MAP2K5: variants seen among roughly 807,000 people sequenced by gnomAD.
MAP2K5 encodes the protein dual specificity mitogen-activated protein kinase kinase 5.
Under a neutral mutation model 83.1 loss-of-function variants are expected in MAP2K5, and 49 were observed. That is an observed-to-expected ratio of 0.59 (90% CI 0.47 to 0.75). The LOEUF (loss-of-function observed/expected upper bound fraction) is 0.75. Among genes scored for constraint, MAP2K5 ranks in the 30% least tolerant of loss-of-function variants. The pLI, the probability that MAP2K5 is intolerant of heterozygous loss-of-function variation, is 0.00. For missense variants in MAP2K5, 457 were observed against 557.5 expected (o/e 0.82, Z 1.82); for synonymous variants, 202 against 191.8 (o/e 1.05, Z -0.44).
chr15:67,600,600 G>C (rs1249115162), intron 7 of MAP2K5, 85 bp from the exon 8 acceptor site: 1 of 1,016,944 alleles, frequency 9.8e-7, no homozygotes, highest in African/African-American at 1.6e-5. Context: ...CAGACTGCTT[G>C]TTGTTTATGG....
rs2090114725 is a variant in MAP2K5, at chr15:67,770,113, T to C, written c.1196+450T>C. Among the ~76,000 whole-genome samples the C allele has an allele frequency of 6.6e-6, 1 of 152,240 alleles. No individual in the cohort carries two copies. Among genetic ancestry groups the C allele is most frequent in the South Asian group, 2.1e-4 (1 of 4,838 alleles). On this transcript the variant is annotated intron_variant, in intron 20 of 21. Transcript: ENST00000178640. This position sits in a 1 kb window ranked among gnomAD's most constrained non-coding sequence, Gnocchi z 5.0. ...AGTAAATAACTTTTATCTTTGGTTG[T>C]ATTTTAAATACAATACTGGGGTACC...
At chr15:67,733,397 A>G (rs1033582382) in intron 17 of MAP2K5, among the ~76,000 whole-genome samples, 1 of 152,244 alleles carries the variant, frequency 6.6e-6, no homozygotes. Flanking sequence ...AGTAGTAAAA[A>G]AGGATCAAAA....
rs2088987338 is a variant in MAP2K5 at position 67,722,463 on chromosome 15, A to G, written c.1045-5453A>G. ...TTGTTGTCAGTTTAACCTCCAAAGC[A>G]CTTTAACACCGGTAAATTGCTGTTA... On this transcript the variant is annotated intron_variant, in intron 16 of 21. Transcript: ENST00000178640. This position sits in a 1 kb window ranked among gnomAD's most constrained non-coding sequence, Gnocchi z 4.2. Among the ~76,000 whole-genome samples, 1 of 151,994 alleles carries G rather than the reference A, an allele frequency of 6.6e-6. No homozygotes were observed. The highest frequency in any genetic ancestry group is 2.1e-4 in the South Asian group (1 of 4,822).
rs1025860789 is a variant in MAP2K5 at position 67,736,580 on chromosome 15, C to T, written c.1074+8635C>T. ...AATTATTTTTCTGATCCCACAAGAG[C>T]CTTCCTTTACAGACTTTCTTTTTTG... On this transcript the variant is annotated intron_variant, in intron 17 of 21. Coordinates refer to ENST00000178640, the MANE Select transcript of MAP2K5 (RefSeq NM_145160.3). The surrounding 1 kb of genome is among the most constrained non-coding windows in gnomAD (Gnocchi z 4.3). 2.0e-5 allele frequency among the ~76,000 whole-genome samples: 3 copies of T among 152,208 alleles called. No individual in the cohort carries two copies. The highest frequency in any genetic ancestry group is 7.2e-5 in the African/African-American group (3 of 41,452).
Position 67,769,249 on chromosome 15 carries a change from T to C in MAP2K5, c.1135-353T>C, listed in dbSNP as rs1408784226. ...GAAACAAAGGTCAACACAAGAATAA[T>C]TTCACAGCTCTTTGTTAATTACAAG... On this transcript the variant is annotated intron_variant, in intron 19 of 21. Coordinates refer to ENST00000178640, the MANE Select transcript of MAP2K5 (RefSeq NM_145160.3). The surrounding 1 kb of genome is among the most constrained non-coding windows in gnomAD (Gnocchi z 5.2). Among the ~76,000 whole-genome samples the C allele has an allele frequency of 1.3e-5, 2 of 152,194 alleles. No homozygotes were observed. Among genetic ancestry groups the C allele is most frequent in the Admixed American group, 1.3e-4 (2 of 15,278 alleles).
intron 5 of MAP2K5, 98 bp from the exon 6 acceptor site, chr15:67,586,748 C>A: frequency 1.4e-5 from 16 of 1,104,468 alleles, no homozygotes. Flanking sequence ...AGCTAATTAA[C>A]CTTCATAGTG....
chr15:67,561,815 G>A lies in MAP2K5; in HGVS notation c.185-1468G>A, dbSNP rs1380978803. The stretch of plus-strand genomic sequence containing the variant: ...GAAAGAACACAAGCTTCCTCCTAGG[G>A]TCCCCATAGCCTAGTCACCAAGCAG... On this transcript the variant is annotated intron_variant, in intron 2 of 21. Coordinates refer to ENST00000178640, the MANE Select transcript of MAP2K5 (RefSeq NM_145160.3). This position sits in a 1 kb window ranked among gnomAD's most constrained non-coding sequence, Gnocchi z 4.2. Among the ~76,000 whole-genome samples the A allele has an allele frequency of 6.6e-6, 1 of 152,128 alleles. No individual in the cohort carries two copies. The highest frequency in any genetic ancestry group is 1.5e-5 in the Non-Finnish European group (1 of 68,008).
intron 21 of MAP2K5, among the ~76,000 whole-genome samples, chr15:67,804,948 C>G (rs933101674): frequency 2.6e-5 from 4 of 152,200 alleles, no homozygotes; most frequent in African/African-American, 4.8e-5. Flanking sequence ...CTCTCCTGCT[C>G]AGGCCCCAGA....
rs367973577 is a variant in MAP2K5, at chr15:67,563,337, C to T, written c.239C>T (p.Ala80Val). ...GTGAGAAGTGATGAGGAAATGAAGG[C>T]AATGCTGTCATATGTAAGTATACGA... is the stretch of plus-strand genomic sequence containing the variant. ...ITVRSDEEMK[A>V]MLSYYYSTVM... The change falls in exon 3 of 22, where the codon GCA becomes GTA. Residue 80 changes from alanine to valine, a missense_variant. By Grantham distance (64) the Ala-to-Val change is moderately conservative. Around this residue, in one of 3 missense-constraint regions of MAP2K5, gnomAD observed 234 missense variants for 243.6 expected, o/e 0.96. Transcript: ENST00000178640. This position sits in a 1 kb window ranked among gnomAD's most constrained non-coding sequence, Gnocchi z 4.5. The T allele has an allele frequency of 5.0e-6, 8 of 1,610,470 alleles. No homozygotes were observed. The highest frequency in any genetic ancestry group is 5.9e-6 in the Non-Finnish European group (7 of 1,178,596).
At chr15:67,703,760 C>T (rs2088480201) in intron 16 of MAP2K5, among the ~76,000 whole-genome samples, 2 of 152,094 alleles carry the variant, frequency 1.3e-5, no homozygotes, top group East Asian at 1.9e-4. Flanking sequence ...CTGGAGAACC[C>T]GTGATGTAAA....
intron 13 of MAP2K5, among the ~76,000 whole-genome samples, chr15:67,680,145 T>A (rs1374034134): frequency 6.6e-6 from 1 of 152,234 alleles, no homozygotes; most frequent in African/African-American, 2.4e-5. Flanking sequence ...TTATAGCATG[T>A]GTCTATAGTT....
chr15:67,547,172 T>C (rs886817165), intron 1 of MAP2K5, among the ~76,000 whole-genome samples: 12 of 152,076 alleles, frequency 7.9e-5, no homozygotes, highest in Non-Finnish European at 1.6e-4. Context: ...TACTATTGGC[T>C]GTTTATGTCT....
At chr15:67,765,789 CT>C (rs1045484600) in intron 19 of MAP2K5, among the ~76,000 whole-genome samples, 8 of 152,064 alleles carry the variant, frequency 5.3e-5, no homozygotes, top group Non-Finnish European at 8.8e-5. Context: ...TGCTACTTGC[CT>C]TTTTTTATGC....
chr15:67,796,400 G>A (rs757121831), intron 21 of MAP2K5, among the ~76,000 whole-genome samples: 58 of 152,188 alleles, frequency 3.8e-4, no homozygotes, highest in Non-Finnish European at 7.1e-4. Flanking sequence ...TTCTGATAAG[G>A]CCTCAGGAAG....
rs1478420940 is a variant in MAP2K5, at chr15:67,563,056, A to C, written c.185-227A>C. Among the ~76,000 whole-genome samples, 2 of 152,238 alleles carry C rather than the reference A, an allele frequency of 1.3e-5. No homozygotes were observed. The highest frequency in any genetic ancestry group is 2.4e-5 in the African/African-American group (1 of 41,458). On this transcript the variant is annotated intron_variant, in intron 2 of 21. Transcript: ENST00000178640. This position sits in a 1 kb window ranked among gnomAD's most constrained non-coding sequence, Gnocchi z 4.5. ...AACCTAGAGATATGTTGTGAATGAC[A>C]TGAGCAATATTTTAATTTTCTGCTA...
intron 16 of MAP2K5, among the ~76,000 whole-genome samples, chr15:67,713,030 G>A (rs994893267): frequency 6.6e-6 from 1 of 151,932 alleles, no homozygotes; most frequent in Non-Finnish European, 1.5e-5. Context: ...GAAACAAAGG[G>A]GAAGAAATCA....
Position 67,783,301 on chromosome 15 carries a change from T to G in MAP2K5, c.1242+10549T>G, listed in dbSNP as rs1435007497. On this transcript the variant is annotated intron_variant, in intron 21 of 21. Coordinates refer to ENST00000178640, the MANE Select transcript of MAP2K5 (RefSeq NM_145160.3). The surrounding 1 kb of genome is among the most constrained non-coding windows in gnomAD (Gnocchi z 5.1). ...TGTGAGAATTGCCAGAGACCCCCGCTCACCTTCTCCTCCCACCCTCACCTA... is the reference window on the plus strand; with the variant it reads ...TGTGAGAATTGCCAGAGACCCCCGCGCACCTTCTCCTCCCACCCTCACCTA... Among the ~76,000 whole-genome samples the G allele has an allele frequency of 6.6e-6, 1 of 152,104 alleles. No homozygotes were observed. Among genetic ancestry groups the G allele is most frequent in the Non-Finnish European group, 1.5e-5 (1 of 68,016 alleles).
Position 67,637,467 on chromosome 15 carries a change from A to G in MAP2K5, c.585+6540A>G, listed in dbSNP as rs1284078092. On this transcript the variant is annotated intron_variant, in intron 9 of 21. Transcript: ENST00000178640. The surrounding 1 kb of genome is among the most constrained non-coding windows in gnomAD (Gnocchi z 4.5). Reference sequence around the variant, plus strand: ...TGAGTACTCTACCTGGTGCCTTGCAAATTGCAAGGTTTTTCCACACTGACT... The same window carrying G: ...TGAGTACTCTACCTGGTGCCTTGCAGATTGCAAGGTTTTTCCACACTGACT... Among the ~76,000 whole-genome samples, 1 of 152,106 alleles carries G rather than the reference A, an allele frequency of 6.6e-6. No individual in the cohort carries two copies. Among genetic ancestry groups the G allele is most frequent in the Admixed American group, 6.5e-5 (1 of 15,268 alleles).
At position 67,637,959 on chromosome 15, in the gene MAP2K5, T is replaced by A. The variant is rs994178316; in HGVS notation, c.585+7032T>A. ...GTGTGTTTTAGTACCTCTTCCTTTC[T>A]TTTTTTTAATTTAACTTTTAACTTT... On this transcript the variant is annotated intron_variant, in intron 9 of 21. Coordinates refer to ENST00000178640, the MANE Select transcript of MAP2K5 (RefSeq NM_145160.3). This position sits in a 1 kb window ranked among gnomAD's most constrained non-coding sequence, Gnocchi z 4.5. Among the ~76,000 whole-genome samples the A allele has an allele frequency of 7.2e-5, 11 of 151,850 alleles. No individual in the cohort carries two copies. Among genetic ancestry groups the A allele is most frequent in the African/African-American group, 2.4e-4 (10 of 41,390 alleles).
Sources: gnomAD v4.1 joint callset for allele counts (sites outside exome capture counted in the v4.1 genomes callset) on GRCh38, gnomAD v4.1.1 for gene constraint, gnomAD v4.1.1 regional missense constraint, Gnocchi (gnomAD v3.1) non-coding constraint, MANE v1.5 for transcripts, NCBI Gene and HGNC (gene_info 2026-07-23, HGNC 2026-07-21) for gene names.